PPP1R12A: variants seen among roughly 807,000 people sequenced by gnomAD.
The protein encoded by PPP1R12A is protein phosphatase 1 regulatory subunit 12A, also known as myosin binding subunit.
A neutral mutation model predicts 139.6 loss-of-function variants in PPP1R12A; 19 were observed. The observed-to-expected ratio is 0.14, with a 90% confidence interval of 0.09 to 0.20. PPP1R12A has a LOEUF of 0.20. PPP1R12A is among the 10% of genes least tolerant of loss of function. The pLI is 1.00. For synonymous variants in PPP1R12A, 427 were observed against 420.6 expected (o/e 1.02, Z -0.19); for missense variants, 925 against 1,211.5 (o/e 0.76, Z 3.51).
chr12:79,789,540 A>G (rs1871540490), intron 20 of PPP1R12A: 1 of 405,162 alleles, frequency 2.5e-6, no homozygotes, highest in South Asian at 1.8e-5. Flanking sequence ...AGCAGGAAAA[A>G]CATATCTTAC....
chr12:79,935,157 A>C, upstream of PPP1R12A: 1 of 1,343,982 alleles, frequency 7.4e-7, no homozygotes, highest in African/African-American at 1.5e-5. Flanking sequence ...TCCCGCCCCC[A>C]GCACGGCCAC....
At chr12:79,802,413 T>C (rs1873298718) in intron 14 of PPP1R12A, among the ~76,000 whole-genome samples, 1 of 152,182 alleles carries the variant, frequency 6.6e-6, no homozygotes, top group Non-Finnish European at 1.5e-5. Context: ...TTATTACTTT[T>C]TGGACTTCTA....
chr12:79,810,636 T>C (rs1874412606), intron 9 of PPP1R12A, among the ~76,000 whole-genome samples: 1 of 152,162 alleles, frequency 6.6e-6, no homozygotes, highest in South Asian at 2.1e-4. Context: ...ACCCCAATAA[T>C]TGGGTAATGA....
intron 10 of PPP1R12A, 98 bp downstream of exon 10, chr12:79,809,697 A>G: frequency 1.2e-6 from 1 of 859,874 alleles, no homozygotes; most frequent in Non-Finnish European, 1.8e-6. Flanking sequence ...CTTGATACCT[A>G]GATCTAAAGA....
Position 79,821,184 on chromosome 12 carries a change from C to G in PPP1R12A, c.868-18G>C. 6.4e-7 allele frequency: 1 copy of G among 1,559,188 alleles called. No individual in the cohort carries two copies. The highest frequency in any genetic ancestry group is 8.8e-7 in the Non-Finnish European group (1 of 1,138,300). ...CTATGGAGCTTTGTACAAAGTTATGCAAAGGAAAATAAGAAAACTATTAAG... is the reference window on the plus strand; with the variant it reads ...CTATGGAGCTTTGTACAAAGTTATGGAAAGGAAAATAAGAAAACTATTAAG... On this transcript the variant is annotated intron_variant, in intron 6 of 24. Coordinates refer to ENST00000450142, the MANE Select transcript of PPP1R12A (RefSeq NM_002480.3).
At chr12:79,838,377 A>C (rs1175475176) in intron 3 of PPP1R12A, among the ~76,000 whole-genome samples, 2 of 152,252 alleles carry the variant, frequency 1.3e-5, no homozygotes, top group Non-Finnish European at 2.9e-5. Flanking sequence ...AATGTGAAAG[A>C]AAACCCAATT....
intron 3 of PPP1R12A, among the ~76,000 whole-genome samples, chr12:79,844,105 G>GT (rs776584481): frequency 2.1e-4 from 31 of 150,994 alleles, no homozygotes; most frequent in South Asian, 8.4e-4. Flanking sequence ...GAATTCAATG[G>GT]TTTTTTTTTA....
rs187568023 is a variant in PPP1R12A, at chr12:79,926,565, A to G, written c.237+8130T>C. 2.0e-5 allele frequency among the ~76,000 whole-genome samples: 3 copies of G among 152,354 alleles called. No homozygotes were observed. The East Asian group carries it at 5.8e-4, about 29-fold the overall frequency. On this transcript the variant is annotated intron_variant, in intron 1 of 24. Coordinates refer to ENST00000450142, the MANE Select transcript of PPP1R12A (RefSeq NM_002480.3). The stretch of plus-strand genomic sequence containing the variant: ...ATTATAAAAGTAAGTGGTTGATATA[A>G]GCTTTTTTATTAGGACATTTTAAAA...
At chr12:79,818,593 T>C (rs953867395) in intron 8 of PPP1R12A, among the ~76,000 whole-genome samples, 2 of 152,178 alleles carry the variant, frequency 1.3e-5, no homozygotes, top group Non-Finnish European at 2.9e-5. Flanking sequence ...GTAGTCTTTC[T>C]ATCCATTTGA....
intron 20 of PPP1R12A, chr12:79,789,743 C>T: frequency 2.5e-6 from 1 of 400,182 alleles, no homozygotes; most frequent in Non-Finnish European, 4.8e-6. Flanking sequence ...AGTGGAGGTT[C>T]TCTGAAAAGA....
intron 14 of PPP1R12A, among the ~76,000 whole-genome samples, chr12:79,804,397 T>C (rs1234983096): frequency 6.6e-6 from 1 of 152,062 alleles, no homozygotes; most frequent in Non-Finnish European, 1.5e-5. Context: ...AGTGGCATTA[T>C]AAAAGTACCA....
intron 2 of PPP1R12A, among the ~76,000 whole-genome samples, chr12:79,848,084 G>T (rs144535897): frequency 2.6e-5 from 4 of 152,078 alleles, no homozygotes; most frequent in African/African-American, 9.7e-5. Context: ...CACAAAAATG[G>T]CTACTGTATC....
intron 1 of PPP1R12A, among the ~76,000 whole-genome samples, chr12:79,914,939 T>G (rs1886874789): frequency 6.6e-6 from 1 of 152,108 alleles, no homozygotes; most frequent in African/African-American, 2.4e-5. Context: ...TACCTGATTC[T>G]AATTCATTCC....
chr12:79,782,385 T>C, intron 22 of PPP1R12A: 1 of 264,140 alleles, frequency 3.8e-6, no homozygotes, highest in South Asian at 3.8e-5. Context: ...TCATCCATGC[T>C]CCACAATTGG....
Position 79,909,229 on chromosome 12 carries a change from T to A in PPP1R12A, c.237+25466A>T, listed in dbSNP as rs547262722. ...AGGTCTAATGGAATAATAAAATGAA[T>A]AATACCTCATATGATTAATGTGATA... On this transcript the variant is annotated intron_variant, in intron 1 of 24. Transcript: ENST00000450142. 8.0e-4 allele frequency among the ~76,000 whole-genome samples: 122 copies of A among 152,332 alleles called. 1 individual carries two copies. The highest frequency in any genetic ancestry group is 3.4e-3 in the Middle Eastern group (1 of 294).
rs74842207 is a variant in PPP1R12A, at chr12:79,817,328, A to T, written c.1239+66T>A. The T allele has an allele frequency of 9.3e-4, 1,330 of 1,433,884 alleles. 2 individuals are homozygous for T. The highest frequency in any genetic ancestry group is 1.0e-3 in the Non-Finnish European group (1,066 of 1,054,438). The allele number at this position is 1,433,884 out of a possible 1,614,324, so 88.8% of individuals were successfully genotyped here. On this transcript the variant is annotated intron_variant, in intron 9 of 24. Coordinates refer to ENST00000450142, the MANE Select transcript of PPP1R12A (RefSeq NM_002480.3). ...ACTATAAAAATTCAGAATTACTTTA[A>T]TGAGTTAGTCCAAGTGGTACATAAA...
At chr12:79,865,575 G>A (rs760098285) in intron 2 of PPP1R12A, among the ~76,000 whole-genome samples, 29 of 152,114 alleles carry the variant, frequency 1.9e-4, no homozygotes, top group Non-Finnish European at 3.8e-4. Flanking sequence ...AAACCCCATC[G>A]TCTCAGCCCC....
chr12:79,873,994 C>T (rs1024699051), intron 1 of PPP1R12A, among the ~76,000 whole-genome samples: 2 of 152,062 alleles, frequency 1.3e-5, no homozygotes, highest in African/African-American at 2.4e-5. Flanking sequence ...AAGCAATTAA[C>T]GCCAGGCGCG....
At chr12:79,813,604 C>T (rs1874877274) in intron 9 of PPP1R12A, among the ~76,000 whole-genome samples, 1 of 152,090 alleles carries the variant, frequency 6.6e-6, no homozygotes, top group Non-Finnish European at 1.5e-5. Flanking sequence ...AGATAATCTG[C>T]TTTAGAGATC....
Sources: gnomAD v4.1 joint callset for allele counts (sites outside exome capture counted in the v4.1 genomes callset) on GRCh38, gnomAD v4.1.1 for gene constraint, MANE v1.5 for transcripts, NCBI Gene and HGNC (gene_info 2026-07-23, HGNC 2026-07-21) for gene names.